BRAF: variants seen among roughly 807,000 people sequenced by gnomAD.
The protein encoded by BRAF is serine/threonine-protein kinase B-raf.
BRAF carries 16 observed loss-of-function variants against 104.6 expected under a neutral mutation model. That is an observed-to-expected ratio of 0.15 (90% CI 0.10 to 0.23). The LOEUF (loss-of-function observed/expected upper bound fraction) is 0.23. BRAF is among the 10% of genes least tolerant of loss of function. BRAF has a pLI of 1.00. For synonymous variants in BRAF, 310 were observed against 341.6 expected (o/e 0.91, Z 1.02); for missense variants, 541 against 937.3 (o/e 0.58, Z 5.52).
chr7:140,847,797 A>T (rs545417541), intron 2 of BRAF, among the ~76,000 whole-genome samples: 1 of 152,310 alleles, frequency 6.6e-6, no homozygotes, highest in East Asian at 1.9e-4. Flanking sequence ...TGAGTACAGA[A>T]ACTAAGCCAG....
Position 140,749,416 on chromosome 7 carries a change from T to G in BRAF, c.1983A>C (p.Ala661=). 4 of 1,612,906 alleles carry G rather than the reference T, an allele frequency of 2.5e-6. No homozygotes were observed. The highest frequency in any genetic ancestry group is 3.4e-6 in the Non-Finnish European group (4 of 1,179,346). The change falls in exon 17 of 20, where the codon GCA becomes GCC. Residue 661 remains alanine, a splice_region_variant and synonymous_variant. Transcript: ENST00000644969. Reference sequence around the variant, plus strand: ...TATCTTGCATTCTGATGACTTCTGGTGCCTGTTAGAACATACAAAGAAAAA... The same window carrying G: ...TATCTTGCATTCTGATGACTTCTGGGGCCTGTTAGAACATACAAAGAAAAA... ...EQLSGSILWM[A]PEVIRMQDKN...
At chr7:140,839,880 T>C (rs541182324) in intron 2 of BRAF, among the ~76,000 whole-genome samples, 1 of 149,374 alleles carries the variant, frequency 6.7e-6, no homozygotes, top group African/African-American at 2.4e-5. Flanking sequence ...CCTCAAGAGG[T>C]AATAGTTGAT....
intron 9 of BRAF, among the ~76,000 whole-genome samples, chr7:140,787,039 C>T (rs372539338): frequency 1.5e-4 from 23 of 152,194 alleles, no homozygotes; most frequent in African/African-American, 5.1e-4. Context: ...CGGTGGCTCA[C>T]GCCTGTAATC....
chr7:140,894,564 T>C (rs1055048030), intron 1 of BRAF, among the ~76,000 whole-genome samples: 4 of 152,106 alleles, frequency 2.6e-5, no homozygotes, highest in South Asian at 2.1e-4. Context: ...GGAGTTAAAA[T>C]AGTCCTGATT....
chr7:140,760,520 G>A (rs1430128104), intron 14 of BRAF, among the ~76,000 whole-genome samples: 1 of 152,092 alleles, frequency 6.6e-6, no homozygotes, highest in Non-Finnish European at 1.5e-5. Context: ...ACTGGACAGT[G>A]AATACCAACA....
chr7:140,805,312 T>C (rs993401944), intron 5 of BRAF, among the ~76,000 whole-genome samples: 1 of 152,234 alleles, frequency 6.6e-6, no homozygotes, highest in African/African-American at 2.4e-5. Flanking sequence ...TATTTCTAAT[T>C]GTGTTCTTTT....
Position 140,924,640 on chromosome 7 carries a change from C to T in BRAF, c.64G>A (p.Asp22Asn), listed in dbSNP as rs397507456. 2.5e-4 allele frequency: 371 copies of T among 1,482,198 alleles called. 3 individuals carry two copies. In the East Asian group the frequency reaches 7.9e-3, roughly 32 times the overall value. 91.8% of individuals were successfully genotyped at this position (1,482,198 alleles called of 1,614,324 possible). Residue 22 changes from aspartate (D) to asparagine (N), a missense_variant, in exon 1 of 20, where the codon GAC becomes AAC. Asp to Asn is a conservative substitution (Grantham distance 23, BLOSUM62 1). Transcript: ENST00000644969. The surrounding 1 kb of genome is among the most constrained non-coding windows in gnomAD (Gnocchi z 4.2). ...AEPGQALFNG[D>N]MEPEAGAGAG... The stretch of plus-strand genomic sequence containing the variant: ...CCGGCGCCGGCCTCGGGCTCCATGT[C>T]CCCGTTGAACAGAGCCTGGCCCGGC...
In BRAF at chr7:140,803,587, T is replaced by C. The variant is rs1038380831; in HGVS notation, c.712-2027A>G. Reference sequence around the variant, plus strand: ...AATAAGATCTATTTTTTCTAACAAATGATCAATTTCTTAGAGGATTAGAAT... The same window carrying C: ...AATAAGATCTATTTTTTCTAACAAACGATCAATTTCTTAGAGGATTAGAAT... On this transcript the variant is annotated intron_variant, in intron 5 of 19. Coordinates refer to ENST00000644969, the MANE Select transcript of BRAF (RefSeq NM_001374258.1). 1.5e-4 allele frequency among the ~76,000 whole-genome samples: 23 copies of C among 152,218 alleles called. No homozygotes were observed. In the South Asian group the frequency reaches 2.1e-3, roughly 14 times the overall value.
At chr7:140,833,663 C>G (rs935309809) in intron 3 of BRAF, among the ~76,000 whole-genome samples, 10 of 152,090 alleles carry the variant, frequency 6.6e-5, no homozygotes, top group African/African-American at 2.4e-4. Context: ...TTACAACCAA[C>G]TTTTGTCTGT....
chr7:140,794,925 C>T (rs1802354227), intron 7 of BRAF, among the ~76,000 whole-genome samples: 1 of 152,010 alleles, frequency 6.6e-6, no homozygotes, highest in South Asian at 2.1e-4. Flanking sequence ...ATTTCAGGAC[C>T]TGAATGATGT....
chr7:140,792,183 C>T (rs1002670395), intron 8 of BRAF, among the ~76,000 whole-genome samples: 3 of 152,178 alleles, frequency 2.0e-5, no homozygotes, highest in African/African-American at 7.2e-5. Flanking sequence ...AGCACCAATG[C>T]TATTACTTGA....
chr7:140,750,731 G>A (rs973335688), intron 16 of BRAF, among the ~76,000 whole-genome samples: 4 of 152,108 alleles, frequency 2.6e-5, no homozygotes, highest in Non-Finnish European at 4.4e-5. Context: ...TATGGCAAAG[G>A]TATAATGTTC....
intron 3 of BRAF, among the ~76,000 whole-genome samples, chr7:140,811,829 A>G (rs1804299627): frequency 6.6e-6 from 1 of 152,200 alleles, no homozygotes; most frequent in Non-Finnish European, 1.5e-5. Context: ...TTCCCCTAGG[A>G]GCAAGGTTCA....
intron 3 of BRAF, among the ~76,000 whole-genome samples, chr7:140,816,490 T>C (rs559942427): frequency 2.0e-4 from 31 of 152,312 alleles, no homozygotes; most frequent in African/African-American, 7.0e-4. Flanking sequence ...TTCCTTAATC[T>C]TTCCATTCCA....
intron 3 of BRAF, among the ~76,000 whole-genome samples, chr7:140,821,290 T>C (rs1399985285): frequency 7.3e-6 from 1 of 136,370 alleles, no homozygotes; most frequent in East Asian, 2.2e-4. Context: ...AGCGTCTGAA[T>C]TACATTTTTT....
intron 1 of BRAF, among the ~76,000 whole-genome samples, chr7:140,872,153 T>G (rs1811665977): frequency 6.6e-6 from 1 of 151,992 alleles, no homozygotes; most frequent in Non-Finnish European, 1.5e-5. Context: ...AGGTGGAGGC[T>G]GCAGTGAGCC....
At chr7:140,784,650 CT>C (rs561883564) in intron 10 of BRAF, among the ~76,000 whole-genome samples, 106 of 145,946 alleles carry the variant, frequency 7.3e-4, no homozygotes, top group Non-Finnish European at 7.6e-4. Flanking sequence ...CCAATTTTTA[CT>C]TTTTTTTTTT....
downstream of BRAF, among the ~76,000 whole-genome samples, chr7:140,715,847 T>C (rs1239972200): frequency 6.6e-6 from 1 of 152,244 alleles, no homozygotes; most frequent in Non-Finnish European, 1.5e-5. Flanking sequence ...ATGTGTAAAT[T>C]TATCAAATCT....
intron 1 of BRAF, among the ~76,000 whole-genome samples, chr7:140,853,734 T>C (rs1009969858): frequency 2.6e-5 from 4 of 152,222 alleles, no homozygotes; most frequent in African/African-American, 9.6e-5. Context: ...CTCCCATTCC[T>C]TAAAGGCACA....
Sources: gnomAD v4.1 joint callset for allele counts (sites outside exome capture counted in the v4.1 genomes callset) on GRCh38, gnomAD v4.1.1 for gene constraint, Gnocchi (gnomAD v3.1) non-coding constraint, MANE v1.5 for transcripts, NCBI Gene and HGNC (gene_info 2026-07-23, HGNC 2026-07-21) for gene names.